The following SRD5A2 variants were observed in gnomAD, a reference collection of about 807,000 sequenced individuals.
SRD5A2 encodes the protein 3-oxo-5-alpha-steroid 4-dehydrogenase 2.
Under a neutral mutation model 27.4 loss-of-function variants are expected in SRD5A2, and 30 were observed. The ratio of observed to expected loss-of-function variants is 1.10; its 90% confidence interval spans 0.82 to 1.49. The LOEUF (loss-of-function observed/expected upper bound fraction) is 1.49. Among genes scored for constraint, SRD5A2 ranks in the 40% most tolerant of loss-of-function variants. The pLI is 0.00. For missense variants in SRD5A2, 348 were observed against 323.4 expected (o/e 1.08, Z -0.58); for synonymous variants, 141 against 133.6 (o/e 1.06, Z -0.38).
At chr2:31,653,845 A>C in the SRD5A2 span, among the ~76,000 whole-genome samples, 1 of 152,100 alleles carries the variant, frequency 6.6e-6, no homozygotes, top group East Asian at 1.9e-4. Flanking sequence ...TTTTTAGTAG[A>C]AACGGGTTTC....
chr2:31,571,542 C>T (rs1666848918), intron 1 of SRD5A2, among the ~76,000 whole-genome samples: 1 of 152,048 alleles, frequency 6.6e-6, no homozygotes, highest in South Asian at 2.1e-4. Context: ...AACTAAAGAG[C>T]TTCTGCACAG....
the SRD5A2 span, among the ~76,000 whole-genome samples, chr2:31,620,692 G>A: frequency 6.6e-6 from 1 of 151,620 alleles, no homozygotes; most frequent in Non-Finnish European, 1.5e-5. Flanking sequence ...TATGCAAATA[G>A]TATTGACACT....
intron 1 of SRD5A2, among the ~76,000 whole-genome samples, chr2:31,565,861 T>C (rs1401710402): frequency 6.6e-6 from 1 of 152,018 alleles, no homozygotes; most frequent in East Asian, 1.9e-4. Flanking sequence ...AAATAACCTA[T>C]GGACAATTTT....
the SRD5A2 span, among the ~76,000 whole-genome samples, chr2:31,599,099 T>C: frequency 2.6e-5 from 4 of 152,016 alleles, no homozygotes; most frequent in African/African-American, 9.7e-5. Context: ...AAGGGGTCAA[T>C]TCAACAAGAG....
the SRD5A2 span, among the ~76,000 whole-genome samples, chr2:31,636,489 C>T: frequency 1.3e-5 from 2 of 152,110 alleles, no homozygotes; most frequent in Admixed American, 6.5e-5. Flanking sequence ...TGTCTAATTG[C>T]TCTGGCAAGG....
At chr2:31,636,261 T>C in the SRD5A2 span, among the ~76,000 whole-genome samples, 11 of 152,080 alleles carry the variant, frequency 7.2e-5, no homozygotes, top group African/African-American at 2.4e-4. Flanking sequence ...CTTATTTGGC[T>C]AGACTGATTC....
At chr2:31,581,846 C>T (rs1260146727), upstream of SRD5A2, among the ~76,000 whole-genome samples, 1 of 152,172 alleles carries the variant, frequency 6.6e-6, no homozygotes, top group Non-Finnish European at 1.5e-5. Context: ...CTCTGAACTC[C>T]TGTCTAGCCG....
intron 1 of SRD5A2, among the ~76,000 whole-genome samples, chr2:31,578,374 G>T (rs1181814482): frequency 1.3e-5 from 2 of 151,954 alleles, no homozygotes; most frequent in African/African-American, 4.8e-5. Context: ...TCTACTGCCT[G>T]GGTTTGAACT....
chr2:31,572,174 T>C (rs2148098975), intron 1 of SRD5A2, among the ~76,000 whole-genome samples: 1 of 152,306 alleles, frequency 6.6e-6, no homozygotes, highest in East Asian at 1.9e-4. Flanking sequence ...ATCATGTCCT[T>C]TGCAGGCCAT....
At chr2:31,604,941 G>T in the SRD5A2 span, among the ~76,000 whole-genome samples, 1 of 151,866 alleles carries the variant, frequency 6.6e-6, no homozygotes, top group Middle Eastern at 3.4e-3. Flanking sequence ...GCATGGTACT[G>T]CCATAAAAAG....
chr2:31,592,644 G>A, the SRD5A2 span, among the ~76,000 whole-genome samples: 27 of 152,182 alleles, frequency 1.8e-4, no homozygotes, highest in African/African-American at 5.8e-4. Context: ...CATCCCTGGG[G>A]GATAGGGTAG....
the SRD5A2 span, among the ~76,000 whole-genome samples, chr2:31,616,956 G>A: frequency 1.1e-4 from 16 of 152,072 alleles, no homozygotes; most frequent in African/African-American, 2.4e-4. Flanking sequence ...TGAATCATGC[G>A]AGCAGTTCCT....
the SRD5A2 span, among the ~76,000 whole-genome samples, chr2:31,630,222 A>G: frequency 1.3e-5 from 2 of 152,204 alleles, no homozygotes. Flanking sequence ...CAGTACTTTA[A>G]CAACTGGAAC....
chr2:31,598,965 A>G, the SRD5A2 span, among the ~76,000 whole-genome samples: 2 of 152,228 alleles, frequency 1.3e-5, no homozygotes, highest in South Asian at 4.1e-4. Context: ...TTGAAAATAA[A>G]TGAATGGAAA....
chr2:31,523,698 C>CA lies in SRD5A2; in HGVS notation c.*2497dup, dbSNP rs1572625326. 11 of 220,964 alleles carry CA rather than the reference C, an allele frequency of 5.0e-5. No homozygotes were observed. The East Asian group carries it at 7.3e-4, about 15-fold the overall frequency. The allele number at this position is 220,964 out of a possible 1,614,324, so 13.7% of individuals were successfully genotyped here. A position where few individuals can be genotyped will look rare whatever the true frequency, so the allele number is the denominator to read the frequency against. Reference sequence around the variant, plus strand: ...TAGGACACTGTTAGATTATTTTAGCCAAAAAACAGTCCATGGAAACCTCAA... The same window carrying CA: ...TAGGACACTGTTAGATTATTTTAGCCAAAAAAACAGTCCATGGAAACCTCAA... On this transcript the variant is annotated 3_prime_UTR_variant, in exon 5 of 5. Coordinates refer to ENST00000622030, the MANE Select transcript of SRD5A2 (RefSeq NM_000348.4).
chr2:31,552,325 A>G (rs1240698899), intron 1 of SRD5A2, among the ~76,000 whole-genome samples: 1 of 151,584 alleles, frequency 6.6e-6, no homozygotes, highest in Non-Finnish European at 1.5e-5. Flanking sequence ...ATGCCAAGGG[A>G]TATTGCCTCA....
the SRD5A2 span, among the ~76,000 whole-genome samples, chr2:31,647,094 G>A: frequency 2.0e-5 from 3 of 151,290 alleles, no homozygotes; most frequent in Admixed American, 1.3e-4. Context: ...GCAGTGAGCC[G>A]AGATCACACC....
At chr2:31,571,809 C>G (rs921871480) in intron 1 of SRD5A2, among the ~76,000 whole-genome samples, 12 of 152,100 alleles carry the variant, frequency 7.9e-5, no homozygotes, top group Admixed American at 4.6e-4. Flanking sequence ...AAATCAAAAC[C>G]ACCATAAAAT....
chr2:31,572,421 T>C (rs1406456580), intron 1 of SRD5A2, among the ~76,000 whole-genome samples: 1 of 152,202 alleles, frequency 6.6e-6, no homozygotes, highest in Non-Finnish European at 1.5e-5. Context: ...TTTACCTGTA[T>C]AACAGAACTG....
Sources: allele counts gnomAD v4.1 joint callset (sites outside exome capture counted in the v4.1 genomes callset), GRCh38; gene constraint gnomAD v4.1.1; transcripts MANE v1.5; gene names NCBI Gene and HGNC (gene_info 2026-07-23, HGNC 2026-07-21).